GRAMD1B: variants seen among roughly 807,000 people sequenced by gnomAD.
GRAMD1B encodes the protein protein Aster-B.
In GRAMD1B, 37 loss-of-function variants were observed where a neutral mutation model predicts 99.7. The observed-to-expected ratio is 0.37, with a 90% confidence interval of 0.29 to 0.49. The LOEUF (loss-of-function observed/expected upper bound fraction) is 0.49. Ranked by LOEUF, GRAMD1B falls within the 20% of genes least tolerant of loss-of-function variation. The probability of loss-of-function intolerance (pLI) is 0.98; values close to 1 mark genes in which losing one functional copy is unlikely to be tolerated. For synonymous variants in GRAMD1B, 427 were observed against 387.6 expected, an observed-to-expected ratio of 1.10 and a Z score of -1.19; for missense variants, 888 against 1,009.2, an observed-to-expected ratio of 0.88 and a Z score of 1.63.
intron 2 of GRAMD1B, among the ~76,000 whole-genome samples, chr11:123,537,408 T>C (rs915750417): frequency 6.6e-6 from 1 of 152,244 alleles, no homozygotes; most frequent in Non-Finnish European, 1.5e-5. Flanking sequence ...AGGGACATTA[T>C]GACAATGACA....
intron 1 of GRAMD1B, among the ~76,000 whole-genome samples, chr11:123,373,667 G>T (rs1214843595): frequency 1.3e-5 from 2 of 152,160 alleles, no homozygotes; most frequent in African/African-American, 4.8e-5. Context: ...GTGGGAGAAG[G>T]TTATTTGACT....
chr11:123,388,226 C>T (rs1229190996), intron 1 of GRAMD1B, among the ~76,000 whole-genome samples: 1 of 151,606 alleles, frequency 6.6e-6, no homozygotes, highest in African/African-American at 2.4e-5. Flanking sequence ...TACCTTAGTG[C>T]TATGATTTAA....
chr11:123,398,847 A>G (rs935138153), intron 1 of GRAMD1B, among the ~76,000 whole-genome samples: 4 of 152,154 alleles, frequency 2.6e-5, no homozygotes, highest in Non-Finnish European at 2.9e-5. Context: ...CATCTGTGAA[A>G]TCATCATCAC....
intron 2 of GRAMD1B, among the ~76,000 whole-genome samples, chr11:123,497,942 T>C (rs1939480090): frequency 6.8e-6 from 1 of 147,214 alleles, no homozygotes; most frequent in African/African-American, 2.5e-5. Context: ...AGCTGGCATA[T>C]AAACCACAAG....
At chr11:123,524,690 T>C (rs142000186) in intron 2 of GRAMD1B, among the ~76,000 whole-genome samples, 62 of 152,262 alleles carry the variant, frequency 4.1e-4, no homozygotes, top group African/African-American at 1.5e-3. Context: ...GTATAGATGA[T>C]GTTCATACGA....
chr11:123,369,344 A>G (rs1946439545), intron 1 of GRAMD1B, among the ~76,000 whole-genome samples: 1 of 152,176 alleles, frequency 6.6e-6, no homozygotes, highest in South Asian at 2.1e-4. Flanking sequence ...TTATCAATAC[A>G]TAAGAAATAT....
chr11:123,612,258 T>C (rs1056246769), intron 14 of GRAMD1B, among the ~76,000 whole-genome samples: 1 of 152,078 alleles, frequency 6.6e-6, no homozygotes. Context: ...GGGGTCTCAC[T>C]CTGTTGCCCA....
At chr11:123,506,429 G>T (rs1940435526) in intron 2 of GRAMD1B, among the ~76,000 whole-genome samples, 1 of 151,346 alleles carries the variant, frequency 6.6e-6, no homozygotes, top group Non-Finnish European at 1.5e-5. Flanking sequence ...TTAACTTAGT[G>T]TATAAGTACA....
At chr11:123,389,517 T>G (rs1183853835) in intron 1 of GRAMD1B, among the ~76,000 whole-genome samples, 1 of 151,844 alleles carries the variant, frequency 6.6e-6, no homozygotes, top group Non-Finnish European at 1.5e-5. Flanking sequence ...GGAGATAAGA[T>G]GAGAAAATGT....
At chr11:123,618,393 T>C in intron 17 of GRAMD1B, 4 of 1,598,828 alleles carry the variant, frequency 2.5e-6, no homozygotes, top group Non-Finnish European at 2.6e-6. Context: ...CCCCCTCATC[T>C]CTTTTCCTCC....
At chr11:123,433,174 C>G (rs373342582) in intron 1 of GRAMD1B, among the ~76,000 whole-genome samples, 1 of 151,816 alleles carries the variant, frequency 6.6e-6, no homozygotes, top group Non-Finnish European at 1.5e-5. Context: ...GTCAGGAGTT[C>G]GAGACCAGCT....
chr11:123,608,227 G>A (rs542696316), intron 11 of GRAMD1B: 5 of 451,120 alleles, frequency 1.1e-5, no homozygotes, highest in African/African-American at 3.9e-5. Flanking sequence ...ACGTTCCCTC[G>A]AACAGACCTA....
At chr11:123,572,151 AC>A (rs1948170075) in intron 2 of GRAMD1B, among the ~76,000 whole-genome samples, 1 of 152,070 alleles carries the variant, frequency 6.6e-6, no homozygotes, top group Non-Finnish European at 1.5e-5. Flanking sequence ...TAGGTACTTA[AC>A]CCCCCTAGAC....
In GRAMD1B at chr11:123,604,056, G is replaced by C. The variant is rs148399390; in HGVS notation, c.1166+515G>C. 5.9e-5 allele frequency among the ~76,000 whole-genome samples: 9 copies of C among 152,314 alleles called. No homozygotes were observed. In the East Asian group the frequency reaches 1.7e-3, roughly 29 times the overall value. On this transcript the variant is annotated intron_variant, in intron 9 of 19. Coordinates refer to ENST00000635736, the MANE Select transcript of GRAMD1B (RefSeq NM_001387025.1). ...CCAGAAGGATGGCATTGTTCCAAACGGAGATGGACAGTACTGTAGGCAAAG... is the reference window on the plus strand; with the variant it reads ...CCAGAAGGATGGCATTGTTCCAAACCGAGATGGACAGTACTGTAGGCAAAG...
chr11:123,617,799 G>A (rs1222840958), intron 17 of GRAMD1B, among the ~76,000 whole-genome samples: 1 of 152,156 alleles, frequency 6.6e-6, no homozygotes, highest in Non-Finnish European at 1.5e-5. Context: ...TTGTTATACA[G>A]TGAGTTTAGG....
At chr11:123,508,247 C>T (rs563917877) in intron 2 of GRAMD1B, among the ~76,000 whole-genome samples, 9 of 152,122 alleles carry the variant, frequency 5.9e-5, no homozygotes, top group Non-Finnish European at 1.0e-4. Flanking sequence ...TACCCTGTGG[C>T]AGAAGGGCAA....
chr11:123,528,374 T>G (rs1264311622), intron 2 of GRAMD1B, among the ~76,000 whole-genome samples: 1 of 152,216 alleles, frequency 6.6e-6, no homozygotes, highest in East Asian at 1.9e-4. Context: ...GAATGCCTAC[T>G]ATGGGTTGGT....
chr11:123,484,001 C>A (rs1210758994), intron 2 of GRAMD1B, among the ~76,000 whole-genome samples: 1 of 152,182 alleles, frequency 6.6e-6, no homozygotes, highest in East Asian at 1.9e-4. Context: ...GATGCTTAAT[C>A]AGGTACGATC....
At chr11:123,495,053 G>A (rs971679106) in intron 2 of GRAMD1B, among the ~76,000 whole-genome samples, 45 of 151,502 alleles carry the variant, frequency 3.0e-4, no homozygotes, top group African/African-American at 9.2e-4. Flanking sequence ...TTGATGCTCC[G>A]GCTTGGATTC....
Sources: allele counts gnomAD v4.1 joint callset (sites outside exome capture counted in the v4.1 genomes callset), GRCh38; gene constraint gnomAD v4.1.1; transcripts MANE v1.5; gene names NCBI Gene and HGNC (gene_info 2026-07-23, HGNC 2026-07-21).